The following KLHL29 variants were observed in gnomAD, a reference collection of about 807,000 sequenced individuals.
KLHL29 encodes the protein kelch like family member 29.
KLHL29 carries 21 observed loss-of-function variants against 80.4 expected under a neutral mutation model. The ratio of observed to expected loss-of-function variants is 0.26; its 90% confidence interval spans 0.19 to 0.38. KLHL29 has a LOEUF of 0.38. Among genes scored for constraint, KLHL29 ranks in the 10% least tolerant of loss-of-function variants. The pLI, the probability that KLHL29 is intolerant of heterozygous loss-of-function variation, is 1.00. For missense variants in KLHL29, 867 were observed against 1,223.9 expected (o/e 0.71, Z 4.35); for synonymous variants, 511 against 526.8 (o/e 0.97, Z 0.41).
chr2:23,704,118 G>C (rs1369518361), intron 13 of KLHL29, among the ~76,000 whole-genome samples: 3 of 152,188 alleles, frequency 2.0e-5, no homozygotes, highest in Non-Finnish European at 4.4e-5. Context: ...TTTCCTGAAG[G>C]CATCAAGGCT....
chr2:23,416,850 C>T (rs1452350269), intron 1 of KLHL29, among the ~76,000 whole-genome samples: 1 of 152,176 alleles, frequency 6.6e-6, no homozygotes, highest in African/African-American at 2.4e-5. Context: ...GTTCCCAAAT[C>T]CGTATCTTCA....
intron 3 of KLHL29, among the ~76,000 whole-genome samples, chr2:23,594,137 A>G (rs1267195853): frequency 2.0e-5 from 3 of 152,174 alleles, no homozygotes; most frequent in Non-Finnish European, 4.4e-5. Flanking sequence ...GGAGTTGATT[A>G]TACAGCAGAG....
chr2:23,639,099 C>T, intron 3 of KLHL29, 40 bp from the exon 4 acceptor site: 1 of 1,484,932 alleles, frequency 6.7e-7, no homozygotes, highest in East Asian at 2.6e-5. Flanking sequence ...AGGCTGGTCT[C>T]TGGCCAGGCT....
At chr2:23,543,456 G>T (rs1005779200) in intron 2 of KLHL29, among the ~76,000 whole-genome samples, 2 of 152,102 alleles carry the variant, frequency 1.3e-5, no homozygotes, top group Non-Finnish European at 2.9e-5. Flanking sequence ...GTAGGTAGGG[G>T]GATATTGTTA....
chr2:23,510,951 A>G (rs1029888362), intron 2 of KLHL29, among the ~76,000 whole-genome samples: 13 of 152,212 alleles, frequency 8.5e-5, no homozygotes, highest in South Asian at 2.1e-4. Flanking sequence ...ACAAAAAAAT[A>G]TATATTTGCA....
In KLHL29 at chr2:23,457,105, C is replaced by T. The variant is rs751393920; in HGVS notation, c.-153-18455C>T. On this transcript the variant is annotated intron_variant, in intron 1 of 13. Transcript: ENST00000486442. The surrounding 1 kb of genome is among the most constrained non-coding windows in gnomAD (Gnocchi z 4.3). ...ACCCTCCCTTGTGCCAGGCCCTGTG[C>T]CTTCCCGACGCCGGGGACTGGAGCT... 6.6e-6 allele frequency among the ~76,000 whole-genome samples: 1 copy of T among 152,236 alleles called. No homozygotes were observed. The highest frequency in any genetic ancestry group is 1.5e-5 in the Non-Finnish European group (1 of 68,046).
chr2:23,510,280 A>C (rs984793056), intron 2 of KLHL29, among the ~76,000 whole-genome samples: 1 of 152,182 alleles, frequency 6.6e-6, no homozygotes, highest in East Asian at 1.9e-4. Context: ...TTAACCAAGA[A>C]GCATGACTGG....
chr2:23,645,463 A>G (rs1333634168), intron 5 of KLHL29, among the ~76,000 whole-genome samples: 1 of 152,198 alleles, frequency 6.6e-6, no homozygotes, highest in African/African-American at 2.4e-5. Context: ...ACTTTAGAAA[A>G]AAAAAAGAAC....
intron 2 of KLHL29, among the ~76,000 whole-genome samples, chr2:23,512,923 TCA>T (rs1369776612): frequency 6.6e-6 from 1 of 152,216 alleles, no homozygotes; most frequent in Admixed American, 6.5e-5. Context: ...GGACTCAGCC[TCA>T]CACCAGGATG....
In KLHL29 at chr2:23,461,975, C is replaced by CTTTTTTT. The variant is rs1164075132; in HGVS notation, c.-153-13585_-153-13584insTTTTTTT. On this transcript the variant is annotated intron_variant, in intron 1 of 13. Coordinates refer to ENST00000486442, the MANE Select transcript of KLHL29 (RefSeq NM_052920.2). ...GTGCAAAAGTAATTGCGGTTTTTGC[C>CTTTTTTT]ATTTTTTTTTTTTTAATGACAAAAA... Among the ~76,000 whole-genome samples, 474 of 79,498 alleles carry CTTTTTTT rather than the reference C, an allele frequency of 6.0e-3. 13 individuals are homozygous for CTTTTTTT. The highest frequency in any genetic ancestry group is 0.019 in the African/African-American group (430 of 23,086). The allele number at this position is 79,498 out of a possible 152,430, so 52.2% of individuals were successfully genotyped here. A position where few individuals can be genotyped will look rare whatever the true frequency, so the allele number is the denominator to read the frequency against.
intron 5 of KLHL29, among the ~76,000 whole-genome samples, chr2:23,652,842 C>T (rs756010589): frequency 4.6e-5 from 7 of 152,194 alleles, no homozygotes; most frequent in Non-Finnish European, 7.3e-5. Context: ...TTTGGTGTCC[C>T]CACCTCCTCC....
Position 23,397,042 on chromosome 2 carries a change from CTG to C in KLHL29, c.-154+11263_-154+11264del, listed in dbSNP as rs547060652. ...CTGACAAGGTCTGCTCTAGTGGCCC[CTG>C]GGTAGAGGTCTGGCAGTGCGGGGGA... On this transcript the variant is annotated intron_variant, in intron 1 of 13. Transcript: ENST00000486442. 1.7e-4 allele frequency among the ~76,000 whole-genome samples: 26 copies of C among 152,254 alleles called. No individual in the cohort carries two copies. In the South Asian group the frequency reaches 5.4e-3, roughly 32 times the overall value.
At chr2:23,644,958 G>C (rs1346372242) in intron 5 of KLHL29, among the ~76,000 whole-genome samples, 1 of 152,204 alleles carries the variant, frequency 6.6e-6, no homozygotes, top group Non-Finnish European at 1.5e-5. Context: ...CTGATTTCCA[G>C]AGGTTGCCAG....
At chr2:23,637,077 C>G (rs1369387746) in intron 3 of KLHL29, among the ~76,000 whole-genome samples, 1 of 152,122 alleles carries the variant, frequency 6.6e-6, no homozygotes, top group South Asian at 2.1e-4. Flanking sequence ...CCCCTCCAGG[C>G]AGGAGGGGCT....
chr2:23,597,154 A>G (rs1462839785), intron 3 of KLHL29, among the ~76,000 whole-genome samples: 1 of 151,492 alleles, frequency 6.6e-6, no homozygotes, highest in Non-Finnish European at 1.5e-5. Flanking sequence ...TTTGCTTATC[A>G]TTTTTCCAAT....
intron 3 of KLHL29, among the ~76,000 whole-genome samples, chr2:23,565,252 TG>T (rs1479100780): frequency 6.6e-6 from 1 of 151,898 alleles, no homozygotes; most frequent in East Asian, 1.9e-4. Flanking sequence ...TCAGTAGAGA[TG>T]GGGTTTCACC....
intron 3 of KLHL29, among the ~76,000 whole-genome samples, chr2:23,603,434 G>T (rs1309022068): frequency 2.0e-5 from 3 of 152,164 alleles, no homozygotes; most frequent in Non-Finnish European, 4.4e-5. Flanking sequence ...CCTCTGCTGG[G>T]CCCTGAGCTC....
At chr2:23,551,908 G>A (rs951333388) in intron 2 of KLHL29, among the ~76,000 whole-genome samples, 12 of 152,262 alleles carry the variant, frequency 7.9e-5, no homozygotes, top group Non-Finnish European at 1.2e-4. Flanking sequence ...TGAGTAGGGA[G>A]GAGATAGGCC....
At chr2:23,441,497 T>C (rs979658565) in intron 1 of KLHL29, among the ~76,000 whole-genome samples, 5 of 135,392 alleles carry the variant, frequency 3.7e-5, no homozygotes, top group African/African-American at 1.2e-4. Flanking sequence ...ATAATAATAA[T>C]TAATAATAAA....
Sources: gnomAD v4.1 joint callset for allele counts (sites outside exome capture counted in the v4.1 genomes callset) on GRCh38, gnomAD v4.1.1 for gene constraint, Gnocchi (gnomAD v3.1) non-coding constraint, MANE v1.5 for transcripts, NCBI Gene and HGNC (gene_info 2026-07-23, HGNC 2026-07-21) for gene names.